Variants in ARHGAP8 observed in about 807,000 individuals in gnomAD.
ARHGAP8 encodes rho GTPase-activating protein 8.
Under a neutral mutation model 46.1 loss-of-function variants are expected in ARHGAP8, and 62 were observed. The ratio of observed to expected loss-of-function variants is 1.34; its 90% CI spans 1.10 to 1.66. The LOEUF is 1.66. Ranked by LOEUF, ARHGAP8 falls within the 40% of genes most tolerant of loss-of-function variation. The pLI is 0.00. For missense variants in ARHGAP8, 923 were observed against 568.4 expected (o/e 1.62, Z -6.34); for synonymous variants, 375 against 243.1 (o/e 1.54, Z -5.05).
intron 11 of ARHGAP8, 64 bp from the exon 12 acceptor site, chr22:44,862,211 G>T (rs574895116): frequency 1.3e-6 from 2 of 1,528,120 alleles, no homozygotes; most frequent in South Asian, 2.6e-5. Context: ...AGTTCGGGAG[G>T]GAGTTCCAGG....
intron 7 of ARHGAP8, among the ~76,000 whole-genome samples, chr22:44,844,866 G>T (rs1398592784): frequency 6.6e-6 from 1 of 152,080 alleles, no homozygotes; most frequent in Admixed American, 6.5e-5. Flanking sequence ...CCAGTCCAGG[G>T]CTTCTTATTC....
chr22:44,799,106 C>T (rs762149631), intron 2 of ARHGAP8, among the ~76,000 whole-genome samples: 31 of 152,236 alleles, frequency 2.0e-4, no homozygotes, highest in Non-Finnish European at 3.4e-4. Flanking sequence ...GAGATGAGCA[C>T]CCTCACAGAA....
chr22:44,753,475 C>A (rs184112931), intron 1 of ARHGAP8, among the ~76,000 whole-genome samples: 1 of 152,212 alleles, frequency 6.6e-6, no homozygotes, highest in African/African-American at 2.4e-5. Context: ...TCTTCCTGGG[C>A]CTCCCAAAGT....
intron 7 of ARHGAP8, among the ~76,000 whole-genome samples, chr22:44,838,683 G>A (rs966425049): frequency 6.6e-6 from 1 of 152,218 alleles, no homozygotes; most frequent in African/African-American, 2.4e-5. Flanking sequence ...GTAGGACTCA[G>A]TGGGTCTCCC....
chr22:44,767,420 T>A (rs2147003098), intron 1 of ARHGAP8, among the ~76,000 whole-genome samples: 1 of 152,158 alleles, frequency 6.6e-6, no homozygotes, highest in Middle Eastern at 3.4e-3. Flanking sequence ...TAGCTGCCCC[T>A]CCTGAACAGA....
chr22:44,819,398 G>C (rs893965621), intron 5 of ARHGAP8, among the ~76,000 whole-genome samples: 1 of 152,222 alleles, frequency 6.6e-6, no homozygotes, highest in Admixed American at 6.5e-5. Flanking sequence ...TTGGCTGGGC[G>C]TGGTGGCTCA....
At chr22:44,794,699 G>C (rs1160431575) in intron 2 of ARHGAP8, among the ~76,000 whole-genome samples, 3 of 146,888 alleles carry the variant, frequency 2.0e-5, no homozygotes, top group African/African-American at 7.6e-5. Flanking sequence ...GACAAAGCAA[G>C]ACTCCGTCTC....
chr22:44,805,134 G>A (rs1277845833), intron 3 of ARHGAP8, among the ~76,000 whole-genome samples: 2 of 152,192 alleles, frequency 1.3e-5, no homozygotes, highest in African/African-American at 4.8e-5. Flanking sequence ...TTGAGAGGAC[G>A]CATTCCCTTG....
At position 44,862,754 on chromosome 22, in the gene ARHGAP8, G is replaced by T; in HGVS notation, c.*159G>T. The stretch of plus-strand genomic sequence containing the variant: ...CTCTGGTCCTTGGACTCTTGTCCAT[G>T]GTTCCTGAGCTGTGGACCGGGATAG... On this transcript the variant is annotated 3_prime_UTR_variant, in exon 12 of 12. Transcript: ENST00000356099. 1 of 899,136 alleles carries T rather than the reference G, an allele frequency of 1.1e-6. No individual in the cohort carries two copies. The highest frequency in any genetic ancestry group is 1.6e-6 in the Non-Finnish European group (1 of 624,684). 55.7% of individuals were successfully genotyped at this position (899,136 alleles called of 1,614,324 possible).
intron 7 of ARHGAP8, among the ~76,000 whole-genome samples, chr22:44,843,043 C>T (rs562808598): frequency 6.6e-6 from 1 of 152,240 alleles, no homozygotes; most frequent in East Asian, 1.9e-4. Context: ...AGGGAGAGGA[C>T]CCTGCATCCA....
intron 5 of ARHGAP8, among the ~76,000 whole-genome samples, chr22:44,815,710 C>T (rs1320618674): frequency 6.6e-6 from 1 of 152,172 alleles, no homozygotes; most frequent in Non-Finnish European, 1.5e-5. Flanking sequence ...TAAAGGATTT[C>T]TGCCTCAGTA....
At chr22:44,800,682 A>G (rs558452578) in intron 2 of ARHGAP8, among the ~76,000 whole-genome samples, 6 of 1,626 alleles carry the variant, frequency 3.7e-3, no homozygotes, top group Non-Finnish European at 2.9e-3. Flanking sequence ...GCAGCTGTCC[A>G]TGTGTGGGGG....
rs539357389 is a variant in ARHGAP8 at position 44,786,211 on chromosome 22, G to C, written c.-71-246G>C. 2.3e-3 allele frequency: 1,363 copies of C among 590,482 alleles called. 33 individuals carry two copies. The South Asian group carries it at 0.027, about 12-fold the overall frequency. The allele number at this position is 590,482 out of a possible 1,614,324, so 36.6% of individuals were successfully genotyped here. A position where few individuals can be genotyped will look rare whatever the true frequency, so the allele number is the denominator to read the frequency against. On this transcript the variant is annotated intron_variant, in intron 1 of 11. Transcript: ENST00000356099. ...GAGGTAGGGCGTATAGTGGGTGCTC[G>C]ACTGATGTAGAGTGTATAATGGGTG... is the stretch of plus-strand genomic sequence containing the variant.
intron 7 of ARHGAP8, 86 bp from the exon 8 acceptor site, chr22:44,845,183 G>A (rs2069922542): frequency 4.6e-6 from 7 of 1,529,080 alleles, no homozygotes; most frequent in Non-Finnish European, 6.3e-6. Context: ...TTTTCACAGG[G>A]GTGTGGAGAG....
rs1287908776 is a variant in ARHGAP8, at chr22:44,808,412, G to C, written c.273G>C (p.Gln91His). The C allele has an allele frequency of 1.9e-6, 3 of 1,614,230 alleles. No homozygotes were observed. In the Admixed American group the frequency reaches 5.0e-5, roughly 27 times the overall value. ...SRNKPSLGWL[Q>H]SAYKEFDRKY... ...ACAAGCCTTCCCTGGGCTGGCTCCA[G>C]AGCGCATACAAGGAGTTCGATAGGA... Residue 91 changes from glutamine (Q) to histidine (H), a missense_variant, in exon 4 of 12, where the codon CAG becomes CAC. Transcript: ENST00000356099.
intron 1 of ARHGAP8, among the ~76,000 whole-genome samples, chr22:44,783,589 T>C (rs139392128): frequency 0.013 from 1,931 of 152,264 alleles, 22 homozygotes; most frequent in Non-Finnish European, 0.021. Flanking sequence ...CTCCTTTCCC[T>C]GTTCATGCCT....
At chr22:44,778,398 A>G (rs1039178612) in intron 1 of ARHGAP8, among the ~76,000 whole-genome samples, 7 of 152,128 alleles carry the variant, frequency 4.6e-5, no homozygotes, top group African/African-American at 9.7e-5. Context: ...TCGTATGTCT[A>G]TATCACAGTT....
intron 1 of ARHGAP8, among the ~76,000 whole-genome samples, chr22:44,775,217 C>A (rs910847349): frequency 3.3e-5 from 5 of 152,212 alleles, no homozygotes; most frequent in African/African-American, 1.2e-4. Flanking sequence ...AATGAGCACT[C>A]TGAATTTTTC....
At chr22:44,837,648 A>G (rs1227959603) in intron 7 of ARHGAP8, among the ~76,000 whole-genome samples, 2 of 152,138 alleles carry the variant, frequency 1.3e-5, no homozygotes. Context: ...TATGCACAGC[A>G]CTGACTCTGT....
Sources: gnomAD v4.1 joint callset for allele counts (sites outside exome capture counted in the v4.1 genomes callset) on GRCh38, gnomAD v4.1.1 for gene constraint, MANE v1.5 for transcripts, NCBI Gene and HGNC (gene_info 2026-07-23, HGNC 2026-07-21) for gene names.